MGAT5: variants seen among roughly 807,000 people sequenced by gnomAD.
MGAT5 encodes the protein alpha-1,6-mannosylglycoprotein 6-beta-N-acetylglucosaminyltransferase A.
In MGAT5, 30 loss-of-function variants were observed where a neutral mutation model predicts 94.3. That is an observed-to-expected ratio of 0.32 (90% confidence interval 0.24 to 0.43). The LOEUF (loss-of-function observed/expected upper bound fraction) is 0.43, where lower values mean the gene tolerates loss of function less well. Ranked by LOEUF, MGAT5 falls within the 20% of genes least tolerant of loss-of-function variation. The probability of loss-of-function intolerance (pLI) is 1.00; values close to 1 mark genes in which losing one functional copy is unlikely to be tolerated. For synonymous variants in MGAT5, 310 were observed against 322.9 expected (o/e 0.96, Z 0.43); for missense variants, 691 against 905.5 (o/e 0.76, Z 3.04).
chr2:134,175,288 A>G (rs921753689), intron 1 of MGAT5, among the ~76,000 whole-genome samples: 1 of 152,102 alleles, frequency 6.6e-6, no homozygotes, highest in African/African-American at 2.4e-5. Flanking sequence ...TTATGTACCT[A>G]CCCCTCCATA....
At chr2:134,225,770 G>A (rs115518772) in intron 1 of MGAT5, among the ~76,000 whole-genome samples, 2,358 of 152,250 alleles carry the variant, frequency 0.015, 25 homozygotes, top group Middle Eastern at 0.034. Context: ...TATGTAAAGG[G>A]AAAACTTTAT....
Position 134,338,397 on chromosome 2 carries a change from C to G in MGAT5, c.784C>G (p.Leu262Val). The G allele has an allele frequency of 6.2e-7, 1 of 1,605,302 alleles. No individual in the cohort carries two copies. The highest frequency in any genetic ancestry group is 8.5e-7 in the Non-Finnish European group (1 of 1,177,046). ...AIKSLAEKQN[L>V]EKRKRKKVLV... is the part of the protein sequence containing the mutation. ...CAAGTCCCTGGCAGAAAAGCAGAAC[C>G]TTGAAAAGAGAAAGCGGAAGAAAGT... The change falls in exon 6 of 16, where the codon CTT becomes GTT. Residue 262 changes from leucine to valine, a missense_variant. Transcript: ENST00000281923.
At chr2:134,134,421 T>C (rs1412288443) in intron 1 of MGAT5, among the ~76,000 whole-genome samples, 1 of 152,140 alleles carries the variant, frequency 6.6e-6, no homozygotes, top group African/African-American at 2.4e-5. Context: ...CACAAATCCT[T>C]GTTGCTCTCC....
chr2:134,157,710 A>G (rs1687540825), intron 1 of MGAT5, among the ~76,000 whole-genome samples: 1 of 150,932 alleles, frequency 6.6e-6, no homozygotes, highest in Non-Finnish European at 1.5e-5. Context: ...AATCAGTGGG[A>G]GCCCTGAGCT....
At chr2:134,243,980 T>G (rs1682102353) in intron 1 of MGAT5, among the ~76,000 whole-genome samples, 1 of 152,254 alleles carries the variant, frequency 6.6e-6, no homozygotes, top group Non-Finnish European at 1.5e-5. Flanking sequence ...TGATTTTCTT[T>G]ATTACTGGGG....
intron 2 of MGAT5, among the ~76,000 whole-genome samples, chr2:134,316,569 AT>A (rs1323372487): frequency 3.3e-5 from 5 of 152,002 alleles, no homozygotes; most frequent in Admixed American, 6.6e-5. Flanking sequence ...GCTTCATTTA[AT>A]TTTTTTTAAA....
intron 1 of MGAT5, among the ~76,000 whole-genome samples, chr2:134,195,719 T>C (rs1362921743): frequency 1.3e-5 from 2 of 152,242 alleles, no homozygotes; most frequent in Non-Finnish European, 2.9e-5. Context: ...CTATAATCTT[T>C]TCTGTGTTTG....
chr2:134,297,554 T>C (rs1685751850), intron 2 of MGAT5, among the ~76,000 whole-genome samples: 1 of 152,204 alleles, frequency 6.6e-6, no homozygotes, highest in Non-Finnish European at 1.5e-5. Flanking sequence ...ACAATTGGAA[T>C]TTATTCTAGA....
chr2:134,188,316 G>A (rs958243455), intron 1 of MGAT5, among the ~76,000 whole-genome samples: 1 of 152,216 alleles, frequency 6.6e-6, no homozygotes, highest in Admixed American at 6.5e-5. Flanking sequence ...GTAGACTTGT[G>A]GCTAAGGGAC....
chr2:134,228,097 C>T (rs545638181), intron 1 of MGAT5, among the ~76,000 whole-genome samples: 1 of 152,268 alleles, frequency 6.6e-6, no homozygotes, highest in Non-Finnish European at 1.5e-5. Context: ...TGGGGATCCT[C>T]TTGTCGTCAT....
At chr2:134,237,148 T>TGTGTGTGTGTGTGCGCGC (rs374914892) in intron 1 of MGAT5, among the ~76,000 whole-genome samples, 4 of 140,744 alleles carry the variant, frequency 2.8e-5, no homozygotes, top group African/African-American at 7.9e-5. Context: ...TGTGTGTGTG[T>TGTGTGTGTGTGTGCGCGC]GCGCGTGTGT....
intron 14 of MGAT5, among the ~76,000 whole-genome samples, chr2:134,435,854 G>A (rs1268687795): frequency 6.6e-6 from 1 of 152,222 alleles, no homozygotes; most frequent in Non-Finnish European, 1.5e-5. Flanking sequence ...ATTAGCCTGT[G>A]TTGCAGTTGA....
chr2:134,429,096 G>A (rs925208562), intron 14 of MGAT5, among the ~76,000 whole-genome samples: 3 of 152,152 alleles, frequency 2.0e-5, no homozygotes, highest in Non-Finnish European at 4.4e-5. Flanking sequence ...AACCCCTGTG[G>A]GTAGGAGAAT....
At chr2:134,318,827 G>A (rs571024110) in intron 4 of MGAT5, 88 bp downstream of exon 4, 25 of 912,450 alleles carry the variant, frequency 2.7e-5, no homozygotes, top group Admixed American at 1.6e-4. Context: ...GCTTGAAAAC[G>A]TGTGGTATTT....
At chr2:134,172,534 C>T (rs1688263896) in intron 1 of MGAT5, among the ~76,000 whole-genome samples, 1 of 152,106 alleles carries the variant, frequency 6.6e-6, no homozygotes, top group African/African-American at 2.4e-5. Flanking sequence ...CTGCAGGTGC[C>T]CACCACCACG....
intron 1 of MGAT5, among the ~76,000 whole-genome samples, chr2:134,143,873 G>T (rs139665501): frequency 6.6e-6 from 1 of 152,210 alleles, no homozygotes; most frequent in African/African-American, 2.4e-5. Flanking sequence ...CTGTTACCAC[G>T]TAAGGATTTT....
chr2:134,323,877 A>G (rs1687483779), intron 4 of MGAT5, among the ~76,000 whole-genome samples: 1 of 152,126 alleles, frequency 6.6e-6, no homozygotes, highest in Non-Finnish European at 1.5e-5. Flanking sequence ...CCAGAACATC[A>G]GGCAGTTCAT....
intron 1 of MGAT5, among the ~76,000 whole-genome samples, chr2:134,258,148 C>T (rs150985041): frequency 0.025 from 2,814 of 114,830 alleles, 34 homozygotes; most frequent in Non-Finnish European, 0.036. Context: ...ATGACCTATG[C>T]GCCAAATTCA....
intron 10 of MGAT5, among the ~76,000 whole-genome samples, chr2:134,391,436 A>G (rs997041360): frequency 2.0e-5 from 3 of 152,132 alleles, no homozygotes; most frequent in African/African-American, 7.2e-5. Context: ...GCAGAAATTT[A>G]TTTCTCACAG....
Sources: gnomAD v4.1 joint callset for allele counts (sites outside exome capture counted in the v4.1 genomes callset) on GRCh38, gnomAD v4.1.1 for gene constraint, MANE v1.5 for transcripts, NCBI Gene and HGNC (gene_info 2026-07-23, HGNC 2026-07-21) for gene names.